Variants in ZC3H11A observed in about 807,000 individuals in gnomAD.
The protein encoded by ZC3H11A is zinc finger CCCH domain-containing protein 11A.
In ZC3H11A, 22 loss-of-function variants were observed where a neutral mutation model predicts 90.8. The ratio of observed to expected loss-of-function variants is 0.24; its 90% CI spans 0.17 to 0.35. The LOEUF is 0.35. ZC3H11A is among the 10% of genes least tolerant of loss of function. The pLI is 1.00. For synonymous variants in ZC3H11A, 294 were observed against 339.8 expected, an observed-to-expected ratio of 0.87 and a Z score of 1.48; for missense variants, 701 against 964.9, an observed-to-expected ratio of 0.73 and a Z score of 3.62.
intron 4 of ZC3H11A, among the ~76,000 whole-genome samples, chr1:203,823,659 GCTAA>G (rs1324272420): frequency 4.6e-5 from 7 of 152,200 alleles, no homozygotes; most frequent in Non-Finnish European, 8.8e-5. Context: ...GAGCTGCTAT[GCTAA>G]CTCTTTTCTG....
intron 2 of ZC3H11A, among the ~76,000 whole-genome samples, 172 bp downstream of exon 2, chr1:203,803,188 CTTTTCTTT>C (rs1430435326): frequency 6.6e-6 from 1 of 151,860 alleles, no homozygotes; most frequent in Non-Finnish European, 1.5e-5. Context: ...TTTTTTCTTT[CTTTTCTTT>C]TTTTCTTTTT....
rs7551566 is a variant in ZC3H11A, at chr1:203,850,188, G to A, written c.1939+162G>A. On this transcript the variant is annotated intron_variant, in intron 15 of 17. Transcript: ENST00000367210. ...TGATATTTTTATACAGAGGCAAAACGAGATGAATTCTTTTCTCAGAATTTA... is the reference window on the plus strand; with the variant it reads ...TGATATTTTTATACAGAGGCAAAACAAGATGAATTCTTTTCTCAGAATTTA... 2.4e-4 allele frequency: 166 copies of A among 700,272 alleles called. No individual in the cohort carries two copies. The African/African-American group carries it at 2.5e-3, about 11-fold the overall frequency. 43.4% of individuals were successfully genotyped at this position (700,272 alleles called of 1,614,324 possible).
intron 4 of ZC3H11A, among the ~76,000 whole-genome samples, chr1:203,826,650 A>C (rs1184407799): frequency 6.6e-6 from 1 of 152,024 alleles, no homozygotes; most frequent in South Asian, 2.1e-4. Flanking sequence ...TGTAATGGTT[A>C]TTGTTTCTCT....
chr1:203,847,748 C>G, intron 13 of ZC3H11A, 61 bp downstream of exon 13: 1 of 1,557,468 alleles, frequency 6.4e-7, no homozygotes, highest in Non-Finnish European at 8.6e-7. Context: ...AGGAGTGTTC[C>G]GTGGGATCTT....
intron 8 of ZC3H11A, among the ~76,000 whole-genome samples, chr1:203,831,144 A>C (rs1682212755): frequency 6.6e-6 from 1 of 151,728 alleles, no homozygotes; most frequent in South Asian, 2.1e-4. Context: ...GGGTTTCTCC[A>C]TGTTGGTTGG....
At chr1:203,798,810 A>T (rs1224677293) in intron 1 of ZC3H11A, 12 of 1,536,128 alleles carry the variant, frequency 7.8e-6, no homozygotes, top group Non-Finnish European at 1.0e-5. Flanking sequence ...CTATTTCTCA[A>T]CCCCAGCCTT....
intron 11 of ZC3H11A, 123 bp downstream of exon 11, chr1:203,838,187 T>A (rs1684966680): frequency 1.1e-6 from 1 of 922,732 alleles, no homozygotes; most frequent in African/African-American, 1.7e-5. Flanking sequence ...ATTTGTTATA[T>A]TATTCACTCA....
chr1:203,797,746 G>C (rs540483833), intron 1 of ZC3H11A: 1 of 1,535,404 alleles, frequency 6.5e-7, no homozygotes, highest in African/African-American at 1.4e-5. Context: ...GGGAAAAGGC[G>C]TCGAAAAAAA....
At chr1:203,843,794 G>T (rs1687134184) in intron 12 of ZC3H11A, among the ~76,000 whole-genome samples, 1 of 151,800 alleles carries the variant, frequency 6.6e-6, no homozygotes, top group Admixed American at 6.6e-5. Flanking sequence ...TTGGCACTTG[G>T]TGTTTTTATT....
intron 1 of ZC3H11A, chr1:203,798,529 A>G: frequency 6.5e-7 from 1 of 1,536,162 alleles, no homozygotes; most frequent in Non-Finnish European, 8.7e-7. Context: ...GATGAAGCTG[A>G]GACTGAGAGA....
intron 2 of ZC3H11A, among the ~76,000 whole-genome samples, chr1:203,807,942 A>T (rs77803457): frequency 6.6e-5 from 10 of 151,512 alleles, no homozygotes; most frequent in African/African-American, 2.4e-4. Flanking sequence ...AGGTCTCATT[A>T]TGTTGCCCAG....
At chr1:203,805,394 G>A (rs1158544421) in intron 2 of ZC3H11A, among the ~76,000 whole-genome samples, 4 of 152,082 alleles carry the variant, frequency 2.6e-5, no homozygotes, top group Admixed American at 1.3e-4. Context: ...GCCTTTCAAA[G>A]TGCTGGGATT....
intron 2 of ZC3H11A, among the ~76,000 whole-genome samples, chr1:203,814,279 T>A (rs1675494901): frequency 6.6e-6 from 1 of 152,188 alleles, no homozygotes; most frequent in Non-Finnish European, 1.5e-5. Flanking sequence ...ATCCCAGCAC[T>A]TTGGGAGGCT....
At chr1:203,796,205 A>T (rs916733848) in intron 1 of ZC3H11A, 6 of 387,192 alleles carry the variant, frequency 1.5e-5, no homozygotes, top group Non-Finnish European at 2.3e-5. Flanking sequence ...TCGGGGCAAC[A>T]GTTTCTCTAG....
intron 2 of ZC3H11A, among the ~76,000 whole-genome samples, chr1:203,808,177 ACTT>A (rs1673030196): frequency 6.6e-6 from 1 of 152,146 alleles, no homozygotes; most frequent in African/African-American, 2.4e-5. Context: ...GTATCTAAAA[ACTT>A]CTAAGTTCTG....
intron 2 of ZC3H11A, among the ~76,000 whole-genome samples, chr1:203,804,524 C>T (rs746054550): frequency 5.9e-5 from 9 of 152,186 alleles, no homozygotes; most frequent in Non-Finnish European, 1.3e-4. Context: ...ACTCTGCCAT[C>T]ATCTGAATGA....
chr1:203,818,801 G>T, intron 4 of ZC3H11A, 112 bp downstream of exon 4: 1 of 1,501,486 alleles, frequency 6.7e-7, no homozygotes, highest in East Asian at 2.4e-5. Flanking sequence ...TGAGTGCAGT[G>T]GCTCATGCCT....
Position 203,852,142 on chromosome 1 carries a change from C to G in ZC3H11A, c.2176C>G (p.Leu726Val). Reference sequence around the variant, plus strand: ...CTAATAATCTTTTTTTTCTTACAGTCTTGTGCTGCCTCCAACCCAGTCCTC... The same window carrying G: ...CTAATAATCTTTTTTTTCTTACAGTGTTGTGCTGCCTCCAACCCAGTCCTC... ...VPEAENPRDS[L>V]VLPPTQSSSD... The change falls in exon 18 of 18, where the codon CTT (leucine) becomes GTT (valine). Residue 726 changes from leucine to valine, a missense_variant and splice_region_variant. Physicochemically the swap from Leu to Val is conservative, Grantham distance 32. Coordinates refer to ENST00000367210, the MANE Select transcript of ZC3H11A (RefSeq NM_001376342.1). 2 of 1,613,260 alleles carry G rather than the reference C, an allele frequency of 1.2e-6. No homozygotes were observed. The highest frequency in any genetic ancestry group is 1.7e-6 in the Non-Finnish European group (2 of 1,179,736).
At chr1:203,841,311 A>G (rs1329305815) in intron 12 of ZC3H11A, among the ~76,000 whole-genome samples, 1 of 152,174 alleles carries the variant, frequency 6.6e-6, no homozygotes, top group Non-Finnish European at 1.5e-5. Flanking sequence ...GGCCTTCTGC[A>G]GTGTTTGTGT....
Sources: allele counts gnomAD v4.1 joint callset (sites outside exome capture counted in the v4.1 genomes callset), GRCh38; gene constraint gnomAD v4.1.1; transcripts MANE v1.5; gene names NCBI Gene and HGNC (gene_info 2026-07-23, HGNC 2026-07-21).